The following GALNTL6 variants were observed in gnomAD, a reference collection of about 807,000 sequenced individuals.
The protein encoded by GALNTL6 is polypeptide N-acetylgalactosaminyltransferase-like 6.
A neutral mutation model predicts 73.7 loss-of-function variants in GALNTL6; 46 were observed. The ratio of observed to expected loss-of-function variants is 0.62; its 90% CI spans 0.49 to 0.80. The LOEUF (loss-of-function observed/expected upper bound fraction) is 0.80. Among genes scored for constraint, GALNTL6 ranks in the 30% least tolerant of loss-of-function variants. The pLI is 0.00. For missense variants in GALNTL6, 604 were observed against 755.0 expected (o/e 0.80, Z 2.34); for synonymous variants, 259 against 263.7 (o/e 0.98, Z 0.17).
At chr4:172,369,468 C>T (rs1256247589) in intron 5 of GALNTL6, among the ~76,000 whole-genome samples, 1 of 152,212 alleles carries the variant, frequency 6.6e-6, no homozygotes, top group Non-Finnish European at 1.5e-5. Flanking sequence ...ATCAGTCCCA[C>T]ACTGCACTCC....
At chr4:172,489,614 T>C (rs934183938) in intron 5 of GALNTL6, among the ~76,000 whole-genome samples, 7 of 152,224 alleles carry the variant, frequency 4.6e-5, no homozygotes, top group African/African-American at 1.4e-4. Context: ...AATTTGTATG[T>C]TTTCTTATTC....
intron 2 of GALNTL6, among the ~76,000 whole-genome samples, chr4:171,924,990 G>A (rs1560843702): frequency 1.3e-5 from 2 of 152,180 alleles, no homozygotes; most frequent in Non-Finnish European, 2.9e-5. Flanking sequence ...ACTTATCCAA[G>A]CCTAGTGGGT....
At chr4:172,151,912 ATATC>A (rs1224495611) in intron 2 of GALNTL6, among the ~76,000 whole-genome samples, 1 of 149,724 alleles carries the variant, frequency 6.7e-6, no homozygotes, top group Admixed American at 6.7e-5. Flanking sequence ...ATAAAAATAT[ATATC>A]TATAATCTAT....
At chr4:172,514,313 A>G (rs1734527245) in intron 5 of GALNTL6, among the ~76,000 whole-genome samples, 4 of 152,088 alleles carry the variant, frequency 2.6e-5, no homozygotes, top group Non-Finnish European at 4.4e-5. Flanking sequence ...TTATGTTCCC[A>G]GGGGGATTAT....
At chr4:172,985,425 G>A (rs1343493925) in intron 10 of GALNTL6, among the ~76,000 whole-genome samples, 1 of 151,442 alleles carries the variant, frequency 6.6e-6, no homozygotes, top group African/African-American at 2.4e-5. Flanking sequence ...TTATTTAAAA[G>A]GCAATTATTG....
chr4:172,578,805 C>G (rs1737056136), intron 5 of GALNTL6, among the ~76,000 whole-genome samples: 1 of 152,146 alleles, frequency 6.6e-6, no homozygotes, highest in African/African-American at 2.4e-5. Context: ...GTTTTTATCT[C>G]TATGGATGTG....
chr4:172,109,867 G>T (rs1325368579), intron 2 of GALNTL6, among the ~76,000 whole-genome samples: 4 of 152,030 alleles, frequency 2.6e-5, no homozygotes, highest in Non-Finnish European at 5.9e-5. Flanking sequence ...TACAAATCTT[G>T]GTGGGATCTC....
Position 172,108,712 on chromosome 4 carries a change from G to A in GALNTL6, c.139-120944G>A, listed in dbSNP as rs1036496381. 2.4e-4 allele frequency among the ~76,000 whole-genome samples: 37 copies of A among 152,076 alleles called. No individual in the cohort carries two copies. In the East Asian group the frequency reaches 4.1e-3, roughly 17 times the overall value. ...CAAGTATCAGGGGGAAAAGGAAAGC[G>A]GAGGTGCAATAGAAATTTGAATTTG... On this transcript the variant is annotated intron_variant, in intron 2 of 12. Coordinates refer to ENST00000506823, the MANE Select transcript of GALNTL6 (RefSeq NM_001034845.3).
chr4:172,586,024 G>T (rs1737397598), intron 5 of GALNTL6, among the ~76,000 whole-genome samples: 1 of 152,172 alleles, frequency 6.6e-6, no homozygotes, highest in South Asian at 2.1e-4. Context: ...TGCTGGTGAG[G>T]CTATGGAGAA....
chr4:171,842,908 A>T (rs73867179), intron 2 of GALNTL6, among the ~76,000 whole-genome samples: 1 of 152,222 alleles, frequency 6.6e-6, no homozygotes, highest in African/African-American at 2.4e-5. Flanking sequence ...TTCATGCCAC[A>T]AACATCTTAA....
intron 4 of GALNTL6, among the ~76,000 whole-genome samples, chr4:172,332,945 C>T (rs1159007083): frequency 6.6e-6 from 1 of 152,174 alleles, no homozygotes; most frequent in Non-Finnish European, 1.5e-5. Flanking sequence ...TGGCTTTTCT[C>T]TACATGCTTG....
At chr4:172,998,029 G>A (rs956465917) in intron 10 of GALNTL6, among the ~76,000 whole-genome samples, 6 of 152,154 alleles carry the variant, frequency 3.9e-5, no homozygotes, top group African/African-American at 1.4e-4. Context: ...CTTGCATAAT[G>A]TAAGCCAGCT....
At chr4:172,097,116 T>A (rs1732378510) in intron 2 of GALNTL6, among the ~76,000 whole-genome samples, 1 of 152,068 alleles carries the variant, frequency 6.6e-6, no homozygotes, top group Non-Finnish European at 1.5e-5. Context: ...ACTGGGAAAT[T>A]TCTTCACAGG....
chr4:172,051,434 G>T (rs13145307), intron 2 of GALNTL6, among the ~76,000 whole-genome samples: 4 of 152,112 alleles, frequency 2.6e-5, no homozygotes, highest in Admixed American at 2.6e-4. Context: ...TAAATGCAGG[G>T]ATTTTATTAA....
intron 5 of GALNTL6, among the ~76,000 whole-genome samples, chr4:172,431,160 C>T (rs1188719212): frequency 7.1e-6 from 1 of 141,122 alleles, no homozygotes; most frequent in East Asian, 1.9e-4. Context: ...CTTAGTCATA[C>T]TCTATTCTAC....
chr4:172,902,669 GC>G (rs1746688197), intron 8 of GALNTL6, among the ~76,000 whole-genome samples: 1 of 152,198 alleles, frequency 6.6e-6, no homozygotes, highest in South Asian at 2.1e-4. Context: ...GAGCCCTACA[GC>G]CTCTTGCAAA....
chr4:172,153,100 T>C (rs1207417339), intron 2 of GALNTL6, among the ~76,000 whole-genome samples: 1 of 152,252 alleles, frequency 6.6e-6, no homozygotes, highest in African/African-American at 2.4e-5. Context: ...TCACATCCGC[T>C]TATTGACACC....
chr4:172,872,792 C>A (rs893719164), intron 7 of GALNTL6, among the ~76,000 whole-genome samples: 6 of 152,178 alleles, frequency 3.9e-5, no homozygotes, highest in African/African-American at 1.2e-4. Context: ...CCTGCATTTC[C>A]TCTTTTCTTG....
chr4:172,080,670 A>T (rs902649511), intron 2 of GALNTL6, among the ~76,000 whole-genome samples: 1 of 151,796 alleles, frequency 6.6e-6, no homozygotes, highest in African/African-American at 2.4e-5. Flanking sequence ...ATCGTATATC[A>T]ATGCATAGGT....
Sources: allele counts gnomAD v4.1 joint callset (sites outside exome capture counted in the v4.1 genomes callset), GRCh38; gene constraint gnomAD v4.1.1; transcripts MANE v1.5; gene names NCBI Gene and HGNC (gene_info 2026-07-23, HGNC 2026-07-21).